The following SUSD1 variants were observed in gnomAD, a reference collection of about 807,000 sequenced individuals.
SUSD1 encodes sushi domain-containing protein 1.
SUSD1 carries 65 observed loss-of-function variants against 86.9 expected under a neutral mutation model. The ratio of observed to expected loss-of-function variants is 0.75; its 90% confidence interval spans 0.61 to 0.92. The LOEUF is 0.92. Among genes scored for constraint, SUSD1 ranks in the 40% least tolerant of loss-of-function variants. The pLI, the probability that SUSD1 is intolerant of heterozygous loss-of-function variation, is 0.00. For synonymous variants in SUSD1, 346 were observed against 350.0 expected, an observed-to-expected ratio of 0.99 and a Z score of 0.13; for missense variants, 850 against 929.7, an observed-to-expected ratio of 0.91 and a Z score of 1.11.
At chr9:112,142,219 T>C (rs1025577821) in intron 5 of SUSD1, 101 bp downstream of exon 5, 1 of 997,562 alleles carries the variant, frequency 1.0e-6, no homozygotes, top group Non-Finnish European at 1.4e-6. Context: ...TTTTAAAGGT[T>C]TACTTAACTC....
At position 112,102,293 on chromosome 9, in the gene SUSD1, A is replaced by G; in HGVS notation, c.1172-8T>C. 6.7e-7 allele frequency: 1 copy of G among 1,490,804 alleles called. No individual in the cohort carries two copies. The highest frequency in any genetic ancestry group is 9.2e-7 in the Non-Finnish European group (1 of 1,084,406). The allele number at this position is 1,490,804 out of a possible 1,614,324, so 92.3% of individuals were successfully genotyped here. A position where few individuals can be genotyped will look rare whatever the true frequency, so the allele number is the denominator to read the frequency against. On this transcript the variant is annotated splice_region_variant and splice_polypyrimidine_tract_variant and intron_variant, in intron 8 of 16. Transcript: ENST00000374270. ...CTTCTAAGAGATCAACTTCTAAAAG[A>G]CAAGAGAGAGAGTTATAGACAGCTT...
intron 1 of SUSD1, among the ~76,000 whole-genome samples, chr9:112,167,089 G>T (rs546949027): frequency 2.6e-4 from 38 of 148,182 alleles, no homozygotes; most frequent in Non-Finnish European, 5.5e-4. Context: ...TGTGAGTTTA[G>T]CAAGTTAAAC....
At position 112,111,185 on chromosome 9, in the gene SUSD1, G is replaced by A. The variant is rs73534335; in HGVS notation, c.1171+469C>T. ...GTTTTTCTATTTTCAGTAGAGATAA[G>A]GTTTTGCCATGTTGGCCAGGCTGGT... is the stretch of plus-strand genomic sequence containing the variant. On this transcript the variant is annotated intron_variant, in intron 8 of 16. Coordinates refer to ENST00000374270, the MANE Select transcript of SUSD1 (RefSeq NM_022486.5). Among the ~76,000 whole-genome samples the A allele has an allele frequency of 1.2e-3, 178 of 152,208 alleles. 1 individual carries two copies. The highest frequency in any genetic ancestry group is 4.0e-3 in the African/African-American group (168 of 41,532).
At chr9:112,149,678 T>G (rs1334770321) in intron 2 of SUSD1, among the ~76,000 whole-genome samples, 1 of 152,200 alleles carries the variant, frequency 6.6e-6, no homozygotes, top group Admixed American at 6.5e-5. Context: ...AGGGTTCTCT[T>G]TGAACTTTTC....
chr9:112,139,725 T>A (rs966159104), intron 5 of SUSD1, among the ~76,000 whole-genome samples: 26 of 151,630 alleles, frequency 1.7e-4, no homozygotes, highest in African/African-American at 6.1e-4. Flanking sequence ...AGAAAAAAAA[T>A]ATATAATCAC....
chr9:112,119,458 C>T (rs1297769720), intron 6 of SUSD1, among the ~76,000 whole-genome samples: 1 of 152,186 alleles, frequency 6.6e-6, no homozygotes, highest in East Asian at 1.9e-4. Context: ...GTCCTGGAGG[C>T]ATCAGAGCAG....
intron 2 of SUSD1, among the ~76,000 whole-genome samples, chr9:112,154,445 C>T (rs1006394038): frequency 6.6e-6 from 1 of 151,804 alleles, no homozygotes; most frequent in Non-Finnish European, 1.5e-5. Flanking sequence ...CCTGGGAGGT[C>T]GAGGCTGCAG....
intron 10 of SUSD1, 34 bp from the exon 11 acceptor site, chr9:112,080,199 A>T: frequency 2.7e-6 from 4 of 1,495,316 alleles, no homozygotes; most frequent in Non-Finnish European, 3.7e-6. Context: ...ATCAATTTAC[A>T]CTCTATAGAA....
intron 10 of SUSD1, among the ~76,000 whole-genome samples, chr9:112,081,854 T>C (rs1025457760): frequency 4.6e-5 from 7 of 152,210 alleles, no homozygotes; most frequent in Non-Finnish European, 1.0e-4. Context: ...TATTAATAGG[T>C]TAAAAGAGAG....
In SUSD1 at chr9:112,165,921, GA is replaced by G. The variant is rs55737404; in HGVS notation, c.104-8309del. ...AGAAAGGAAGGAAGGAAGGAAGAAAGAAAAGAAAGAAAGAAAGAAAGAAGAA... is the reference window on the plus strand; with the variant it reads ...AGAAAGGAAGGAAGGAAGGAAGAAAGAAAGAAAGAAAGAAAGAAAGAAGAA... On this transcript the variant is annotated intron_variant, in intron 1 of 16. Coordinates refer to ENST00000374270, the MANE Select transcript of SUSD1 (RefSeq NM_022486.5). 4.8e-3 allele frequency among the ~76,000 whole-genome samples: 311 copies of G among 65,170 alleles called. 1 individual carries two copies. The highest frequency in any genetic ancestry group is 7.7e-3 in the South Asian group (14 of 1,818). 42.8% of individuals were successfully genotyped at this position (65,170 alleles called of 152,430 possible). A position where few individuals can be genotyped will look rare whatever the true frequency, so the allele number is the denominator to read the frequency against.
In SUSD1 at chr9:112,112,832, T is replaced by C. The variant is rs773089131; in HGVS notation, c.923A>G (p.Asn308Ser). 2 of 1,612,674 alleles carry C rather than the reference T, an allele frequency of 1.2e-6. No homozygotes were observed. Among genetic ancestry groups the C allele is most frequent in the South Asian group, 2.2e-5 (2 of 91,062 alleles). The change falls in exon 7 of 17, where the codon AAT (asparagine) becomes AGT (serine). Residue 308 changes from asparagine (N) to serine (S), a missense_variant. Coordinates refer to ENST00000374270, the MANE Select transcript of SUSD1 (RefSeq NM_022486.5). ...TATTTGCCATCTCACACAGGTATCA[T>C]TAAACAGTGATACATCATTAATCTT... ...LTKINDVSLFNDTCVRWQINS... is the reference protein window; with the variant it reads ...LTKINDVSLFSDTCVRWQINS...
intron 6 of SUSD1, among the ~76,000 whole-genome samples, chr9:112,123,708 G>A (rs1342480355): frequency 6.6e-6 from 1 of 152,116 alleles, no homozygotes; most frequent in Non-Finnish European, 1.5e-5. Context: ...GCTGAGGCAG[G>A]CGAATCACTT....
intron 14 of SUSD1, among the ~76,000 whole-genome samples, chr9:112,055,534 T>C (rs1452643037): frequency 1.3e-5 from 2 of 152,062 alleles, no homozygotes; most frequent in Non-Finnish European, 1.5e-5. Context: ...CATGGACAAA[T>C]TGGAAGCCCT....
chr9:112,078,299 G>A (rs138163171), intron 12 of SUSD1, among the ~76,000 whole-genome samples: 85 of 152,270 alleles, frequency 5.6e-4, no homozygotes, highest in African/African-American at 1.8e-3. Flanking sequence ...AGCCATGATC[G>A]TGCCTCTGCA....
chr9:112,085,025 G>A (rs144574573), intron 10 of SUSD1, among the ~76,000 whole-genome samples: 3 of 152,204 alleles, frequency 2.0e-5, no homozygotes, highest in African/African-American at 7.2e-5. Flanking sequence ...ATTGATCTTT[G>A]TCTATCACCC....
At chr9:112,148,010 C>A (rs1048283579) in intron 3 of SUSD1, among the ~76,000 whole-genome samples, 20 of 152,118 alleles carry the variant, frequency 1.3e-4, no homozygotes, top group African/African-American at 4.8e-4. Context: ...CAAATGTATC[C>A]TTTGAGAGAT....
intron 12 of SUSD1, among the ~76,000 whole-genome samples, chr9:112,067,154 A>C (rs1180239863): frequency 6.6e-6 from 1 of 152,226 alleles, no homozygotes; most frequent in Admixed American, 6.5e-5. Context: ...CTGGGATTAC[A>C]GGCGTGAGCC....
intron 2 of SUSD1, among the ~76,000 whole-genome samples, chr9:112,153,509 A>G (rs1833156497): frequency 6.6e-6 from 1 of 152,160 alleles, no homozygotes; most frequent in African/African-American, 2.4e-5. Context: ...GTTTTTTTTA[A>G]TAAGTAGAAG....
intron 1 of SUSD1, among the ~76,000 whole-genome samples, chr9:112,160,431 C>G (rs1435173267): frequency 6.6e-6 from 1 of 152,190 alleles, no homozygotes; most frequent in East Asian, 1.9e-4. Flanking sequence ...GTACTCCCAG[C>G]TACTCAGTAG....
Sources: gnomAD v4.1 joint callset for allele counts (sites outside exome capture counted in the v4.1 genomes callset) on GRCh38, gnomAD v4.1.1 for gene constraint, MANE v1.5 for transcripts, NCBI Gene and HGNC (gene_info 2026-07-23, HGNC 2026-07-21) for gene names.